SLC44A5: variants seen among roughly 807,000 people sequenced by gnomAD.
The protein encoded by SLC44A5 is choline transporter-like protein 5.
SLC44A5 carries 57 observed loss-of-function variants against 101.8 expected under a neutral mutation model. The ratio of observed to expected loss-of-function variants is 0.56; its 90% confidence interval spans 0.45 to 0.70. The LOEUF (loss-of-function observed/expected upper bound fraction) is 0.70. SLC44A5 is among the 30% of genes least tolerant of loss of function. The probability of loss-of-function intolerance (pLI) is 0.00; values close to 1 mark genes in which losing one functional copy is unlikely to be tolerated. For synonymous variants in SLC44A5, 281 were observed against 290.9 expected, an observed-to-expected ratio of 0.97 and a Z score of 0.35; for missense variants, 737 against 853.1, an observed-to-expected ratio of 0.86 and a Z score of 1.70.
chr1:75,631,539 A>AT, the SLC44A5 span, among the ~76,000 whole-genome samples: 39,987 of 80,932 alleles, frequency 0.49, 11,572 homozygotes, highest in South Asian at 0.64. Flanking sequence ...CACCTGGCTA[A>AT]TTTTTTTTTT....
chr1:75,214,905 C>T (rs1178900660), intron 19 of SLC44A5, among the ~76,000 whole-genome samples: 1 of 152,182 alleles, frequency 6.6e-6, no homozygotes, highest in Non-Finnish European at 1.5e-5. Context: ...TGCCCTCAAA[C>T]TCTGGGGGAT....
intron 6 of SLC44A5, among the ~76,000 whole-genome samples, chr1:75,270,736 C>A (rs1282935747): frequency 6.6e-6 from 1 of 152,066 alleles, no homozygotes; most frequent in Non-Finnish European, 1.5e-5. Context: ...AATTTACTAT[C>A]ATTCACATAT....
intron 3 of SLC44A5, among the ~76,000 whole-genome samples, chr1:75,357,474 ACTC>A (rs1218500337): frequency 1.3e-5 from 2 of 152,144 alleles, no homozygotes; most frequent in South Asian, 2.1e-4. Context: ...ATAAGAAACA[ACTC>A]CTCTTGTGAA....
chr1:75,500,490 G>T (rs1179896623), intron 2 of SLC44A5, among the ~76,000 whole-genome samples: 2 of 152,064 alleles, frequency 1.3e-5, no homozygotes, highest in South Asian at 2.1e-4. Context: ...TAAAATGGAG[G>T]CTCCATAAAA....
chr1:75,528,243 G>A (rs1233444407), intron 2 of SLC44A5, among the ~76,000 whole-genome samples: 1 of 151,868 alleles, frequency 6.6e-6, no homozygotes, highest in East Asian at 1.9e-4. Context: ...CTCTCTATAG[G>A]CATATTTGAA....
chr1:75,203,854 G>C lies in SLC44A5; in HGVS notation c.2048-21C>G, dbSNP rs1224340035. The C allele has an allele frequency of 3.9e-6, 6 of 1,537,304 alleles. No individual in the cohort carries two copies. The Admixed American group carries it at 8.3e-5, about 21-fold the overall frequency. On this transcript the variant is annotated intron_variant, in intron 23 of 23. Transcript: ENST00000370859. ...TTCCACTAGGAGGAAGAATGGTACA[G>C]AGTAAATATCAAAGCAGAACTGTAA...
At chr1:75,468,954 G>T (rs188080658) in intron 2 of SLC44A5, among the ~76,000 whole-genome samples, 1 of 152,104 alleles carries the variant, frequency 6.6e-6, no homozygotes, top group Non-Finnish European at 1.5e-5. Flanking sequence ...ATATACACCT[G>T]CTATGTACCC....
At chr1:75,528,993 T>C (rs1465851096) in intron 2 of SLC44A5, among the ~76,000 whole-genome samples, 1 of 152,194 alleles carries the variant, frequency 6.6e-6, no homozygotes, top group Non-Finnish European at 1.5e-5. Context: ...ATTGTATTTC[T>C]CCTATCATAA....
intron 4 of SLC44A5, among the ~76,000 whole-genome samples, chr1:75,338,372 A>G (rs1657611595): frequency 6.6e-6 from 1 of 152,202 alleles, no homozygotes; most frequent in South Asian, 2.1e-4. Flanking sequence ...TCTCTTATCT[A>G]TGGCCTAGAA....
At chr1:75,558,997 T>C (rs996423765) in intron 1 of SLC44A5, among the ~76,000 whole-genome samples, 5 of 152,090 alleles carry the variant, frequency 3.3e-5, no homozygotes, top group African/African-American at 4.8e-5. Context: ...AGTGCAGCTA[T>C]TGACTTGCTC....
chr1:75,701,151 A>AT, the SLC44A5 span, among the ~76,000 whole-genome samples: 1 of 152,188 alleles, frequency 6.6e-6, no homozygotes, highest in Non-Finnish European at 1.5e-5. Flanking sequence ...TCCCTAACTC[A>AT]TTTTATGAGC....
chr1:75,361,236 T>C (rs937396273), intron 3 of SLC44A5, among the ~76,000 whole-genome samples: 5 of 152,166 alleles, frequency 3.3e-5, no homozygotes, highest in Non-Finnish European at 7.4e-5. Context: ...CTTATGTATA[T>C]AAGATCATGT....
In SLC44A5 at chr1:75,541,480, C is replaced by T; in HGVS notation, c.-33G>A. On this transcript the variant is annotated 5_prime_UTR_variant, in exon 2 of 24. Transcript: ENST00000370859. ...AAAGGCTGTCTCTTCAGAAGTAGGCCTGAATCACTGCAAACTTGAGTTGCT... is the reference window on the plus strand; with the variant it reads ...AAAGGCTGTCTCTTCAGAAGTAGGCTTGAATCACTGCAAACTTGAGTTGCT... The T allele has an allele frequency of 6.2e-7, 1 of 1,609,192 alleles. No homozygotes were observed. Among genetic ancestry groups the T allele is most frequent in the South Asian group, 1.1e-5 (1 of 90,300 alleles).
chr1:75,477,349 TCTC>T (rs1667486317), intron 2 of SLC44A5, among the ~76,000 whole-genome samples: 1 of 152,042 alleles, frequency 6.6e-6, no homozygotes, highest in Non-Finnish European at 1.5e-5. Context: ...GCAGAGCGCC[TCTC>T]CTCCTCCAAA....
chr1:75,683,920 T>C, the SLC44A5 span, among the ~76,000 whole-genome samples: 1 of 142,878 alleles, frequency 7.0e-6, no homozygotes, highest in Non-Finnish European at 1.6e-5. Flanking sequence ...GAAGTAGCCA[T>C]ATTTATAGAA....
At chr1:75,682,756 G>C in the SLC44A5 span, among the ~76,000 whole-genome samples, 3 of 151,686 alleles carry the variant, frequency 2.0e-5, no homozygotes, top group Non-Finnish European at 4.4e-5. Flanking sequence ...TTGACAAATG[G>C]GATCTAATTA....
chr1:75,463,197 G>A (rs1666603238), intron 2 of SLC44A5, among the ~76,000 whole-genome samples: 4 of 152,052 alleles, frequency 2.6e-5, no homozygotes, highest in South Asian at 2.1e-4. Flanking sequence ...CGAGGCAGGC[G>A]GATCACAAGG....
At chr1:75,677,304 T>G in the SLC44A5 span, among the ~76,000 whole-genome samples, 1 of 152,146 alleles carries the variant, frequency 6.6e-6, no homozygotes, top group Non-Finnish European at 1.5e-5. Context: ...AAGACATAGA[T>G]AGTATAATAA....
intron 1 of SLC44A5, among the ~76,000 whole-genome samples, chr1:75,582,809 AC>A (rs1218942722): frequency 6.6e-6 from 1 of 152,188 alleles, no homozygotes; most frequent in Non-Finnish European, 1.5e-5. Flanking sequence ...AATTCAGAAA[AC>A]AGAATCCTCT....
Sources: gnomAD v4.1 joint callset for allele counts (sites outside exome capture counted in the v4.1 genomes callset) on GRCh38, gnomAD v4.1.1 for gene constraint, MANE v1.5 for transcripts, NCBI Gene and HGNC (gene_info 2026-07-23, HGNC 2026-07-21) for gene names.